Variants in KCNH8 observed in about 807,000 individuals in gnomAD.
KCNH8 encodes potassium voltage-gated channel subfamily H member 8, also known as voltage-gated delayed rectifier potassium channel KCNH8.
A neutral mutation model predicts 103.6 loss-of-function variants in KCNH8; 70 were observed. The ratio of observed to expected loss-of-function variants is 0.68; its 90% CI spans 0.56 to 0.82. The LOEUF (loss-of-function observed/expected upper bound fraction) is 0.82. KCNH8 is among the 40% of genes least tolerant of loss of function. KCNH8 has a pLI of 0.00. For missense variants in KCNH8, 1,217 were observed against 1,329.9 expected, an observed-to-expected ratio of 0.92 and a Z score of 1.32; for synonymous variants, 498 against 489.4, an observed-to-expected ratio of 1.02 and a Z score of -0.23.
chr3:19,218,104 T>C (rs61293006), intron 1 of KCNH8, among the ~76,000 whole-genome samples: 6,113 of 152,286 alleles, frequency 0.04, 432 homozygotes, highest in African/African-American at 0.14. Flanking sequence ...TAATTCAAAG[T>C]AATTCTACTC....
chr3:19,272,439 C>T (rs185472498), intron 2 of KCNH8, among the ~76,000 whole-genome samples: 61 of 152,188 alleles, frequency 4.0e-4, no homozygotes, highest in African/African-American at 9.9e-4. Context: ...AACGCATCAC[C>T]GGATCAGCCA....
intron 5 of KCNH8, among the ~76,000 whole-genome samples, chr3:19,352,535 C>T (rs1345528331): frequency 6.6e-6 from 1 of 152,168 alleles, no homozygotes; most frequent in East Asian, 1.9e-4. Flanking sequence ...AAAAGTGTCT[C>T]TCAGACCACA....
chr3:19,307,585 C>T (rs533717528), intron 3 of KCNH8, among the ~76,000 whole-genome samples: 4 of 152,074 alleles, frequency 2.6e-5, no homozygotes, highest in Admixed American at 2.0e-4. Context: ...GAGACATCTG[C>T]ACCCCTGTGT....
intron 2 of KCNH8, among the ~76,000 whole-genome samples, chr3:19,258,196 A>G (rs187508780): frequency 1.3e-3 from 203 of 152,178 alleles, no homozygotes; most frequent in African/African-American, 4.8e-3. Flanking sequence ...TTCAACCTAA[A>G]ACATCTAGTT....
At chr3:19,514,741 G>A (rs1402894133) in intron 13 of KCNH8, among the ~76,000 whole-genome samples, 4 of 151,672 alleles carry the variant, frequency 2.6e-5, no homozygotes, top group Admixed American at 6.6e-5. Flanking sequence ...TAGAGTAGAG[G>A]TGTAATCAAA....
intron 6 of KCNH8, among the ~76,000 whole-genome samples, chr3:19,391,407 A>G (rs1007031175): frequency 3.9e-5 from 6 of 152,034 alleles, no homozygotes; most frequent in Admixed American, 1.3e-4. Context: ...CAGTAATGCA[A>G]TTTTCTGCTA....
At chr3:19,270,479 G>A (rs1575484140) in intron 2 of KCNH8, among the ~76,000 whole-genome samples, 1 of 152,272 alleles carries the variant, frequency 6.6e-6, no homozygotes, top group East Asian at 1.9e-4. Context: ...CTGTCTTAGA[G>A]CAGGTGTCTG....
chr3:19,209,240 A>G (rs1252732217), intron 1 of KCNH8, among the ~76,000 whole-genome samples: 1 of 152,078 alleles, frequency 6.6e-6, no homozygotes, highest in Non-Finnish European at 1.5e-5. Flanking sequence ...TGCATTTTTT[A>G]CTTAAAAGGA....
At chr3:19,524,789 T>A (rs1276085274) in intron 15 of KCNH8, among the ~76,000 whole-genome samples, 1 of 151,902 alleles carries the variant, frequency 6.6e-6, no homozygotes, top group African/African-American at 2.4e-5. Context: ...GCATTCCAAA[T>A]GGGCAATTTT....
chr3:19,422,375 G>A (rs1008317154), intron 7 of KCNH8, among the ~76,000 whole-genome samples: 2 of 151,972 alleles, frequency 1.3e-5, no homozygotes, highest in African/African-American at 4.8e-5. Context: ...CAAAGTAATA[G>A]AAGACTGCAG....
chr3:19,320,435 A>G (rs1358177333), intron 3 of KCNH8, among the ~76,000 whole-genome samples: 2 of 151,596 alleles, frequency 1.3e-5, no homozygotes, highest in Non-Finnish European at 2.9e-5. Context: ...TTTTGTTTTT[A>G]ATTCTGTTTA....
chr3:19,192,887 G>T (rs1028830117), intron 1 of KCNH8, among the ~76,000 whole-genome samples: 1 of 151,464 alleles, frequency 6.6e-6, no homozygotes, highest in African/African-American at 2.4e-5. Flanking sequence ...TGAAATTCTT[G>T]TAGCAGGTGT....
At chr3:19,340,425 T>C (rs939230925) in intron 3 of KCNH8, among the ~76,000 whole-genome samples, 3 of 151,764 alleles carry the variant, frequency 2.0e-5, no homozygotes, top group Admixed American at 1.3e-4. Flanking sequence ...TAGTTACATA[T>C]GTATACATGT....
chr3:19,152,292 A>C (rs1020691828), intron 1 of KCNH8, among the ~76,000 whole-genome samples: 1 of 152,202 alleles, frequency 6.6e-6, no homozygotes, highest in Non-Finnish European at 1.5e-5. Flanking sequence ...CAATGTATTT[A>C]TATTTGAAAA....
chr3:19,419,194 G>C (rs11709170), intron 7 of KCNH8, among the ~76,000 whole-genome samples: 1 of 64,116 alleles, frequency 1.6e-5, no homozygotes, highest in African/African-American at 7.1e-5. Flanking sequence ...AAATGGTTTT[G>C]GTTTTTTTTT....
intron 1 of KCNH8, among the ~76,000 whole-genome samples, chr3:19,247,264 A>G (rs534014258): frequency 4.6e-5 from 7 of 152,342 alleles, no homozygotes; most frequent in African/African-American, 1.7e-4. Flanking sequence ...CATGCTGTAA[A>G]CTTTAGCTTG....
chr3:19,257,820 A>G (rs748780176), intron 2 of KCNH8, among the ~76,000 whole-genome samples: 1 of 152,078 alleles, frequency 6.6e-6, no homozygotes, highest in Non-Finnish European at 1.5e-5. Flanking sequence ...CTGTTATCTC[A>G]TAGTTCCGGA....
At chr3:19,420,325 T>C (rs2066932081) in intron 7 of KCNH8, among the ~76,000 whole-genome samples, 1 of 152,214 alleles carries the variant, frequency 6.6e-6, no homozygotes, top group African/African-American at 2.4e-5. Context: ...AGCCAGTGAC[T>C]GAACTGCTTG....
intron 5 of KCNH8, among the ~76,000 whole-genome samples, chr3:19,370,075 C>T (rs934695050): frequency 2.6e-5 from 4 of 152,006 alleles, no homozygotes; most frequent in African/African-American, 9.7e-5. Flanking sequence ...CTTGCTGCCT[C>T]CACCTTCTTC....
Sources: allele counts gnomAD v4.1 joint callset (sites outside exome capture counted in the v4.1 genomes callset), GRCh38; gene constraint gnomAD v4.1.1; transcripts MANE v1.5; gene names NCBI Gene and HGNC (gene_info 2026-07-23, HGNC 2026-07-21).